The following SCN8A variants were observed in gnomAD, a reference collection of about 807,000 sequenced individuals.
SCN8A encodes sodium voltage-gated channel alpha subunit 8.
Under a neutral mutation model 184.1 loss-of-function variants are expected in SCN8A, and 30 were observed. The observed-to-expected ratio is 0.16, with a 90% CI of 0.12 to 0.22. SCN8A has a LOEUF of 0.22. SCN8A is among the 10% of genes least tolerant of loss of function. The pLI is 1.00. For missense variants in SCN8A, 1,057 were observed against 2,498.9 expected (o/e 0.42, Z 12.30); for synonymous variants, 852 against 907.0 (o/e 0.94, Z 1.09).
chr12:51,758,445 T>G (rs1399460935), intron 14 of SCN8A, among the ~76,000 whole-genome samples: 1 of 152,210 alleles, frequency 6.6e-6, no homozygotes, highest in Non-Finnish European at 1.5e-5. Flanking sequence ...TGTTTGTTTG[T>G]TTTGTTTTTT....
At chr12:51,737,062 G>A (rs1366310065) in intron 12 of SCN8A, among the ~76,000 whole-genome samples, 1 of 152,184 alleles carries the variant, frequency 6.6e-6, no homozygotes, top group Non-Finnish European at 1.5e-5. Flanking sequence ...AATGATTATC[G>A]AGAATACTCA....
chr12:51,677,749 A>G (rs1941248723), intron 2 of SCN8A, among the ~76,000 whole-genome samples: 1 of 152,212 alleles, frequency 6.6e-6, no homozygotes, highest in Admixed American at 6.5e-5. Flanking sequence ...TTAATACTCC[A>G]TGCCATAACT....
rs761259175 is a variant in SCN8A, at chr12:51,765,997, T to C, written c.2871T>C (p.Phe957=). The part of the protein sequence containing the change: ...VAGQAMCLIV[F]MMVMVIGNLV... Reference sequence around the variant, plus strand: ...GCCAGGCCATGTGCCTCATTGTCTTTATGATGGTCATGGTGATTGGCAACT... The same window carrying C: ...GCCAGGCCATGTGCCTCATTGTCTTCATGATGGTCATGGTGATTGGCAACT... Residue 957 remains phenylalanine, a synonymous_variant, in exon 16 of 27, where the codon TTT becomes TTC. Transcript: ENST00000627620. The C allele has an allele frequency of 2.5e-6, 4 of 1,614,140 alleles. No homozygotes were observed. In the South Asian group the frequency reaches 4.4e-5, roughly 18 times the overall value.
intron 7 of SCN8A, among the ~76,000 whole-genome samples, chr12:51,700,583 A>T (rs1941670613): frequency 6.6e-6 from 1 of 152,206 alleles, no homozygotes; most frequent in South Asian, 2.1e-4. Flanking sequence ...TGATGTAGTG[A>T]TACTTCTTTA....
chr12:51,807,048 G>T lies in SCN8A; in HGVS notation c.5562G>T (p.Arg1854=). Residue 1854 remains arginine (R), a synonymous_variant, in exon 27 of 27, where the codon CGG becomes CGT. Transcript: ENST00000627620. The surrounding 1 kb of genome is among the most constrained non-coding windows in gnomAD (Gnocchi z 4.5). The part of the protein sequence containing the change: ...CLDILFAFTK[R]VLGDSGELDI... Reference sequence around the variant, plus strand: ...ACATCCTTTTTGCCTTCACCAAGCGGGTCCTGGGAGATAGCGGGGAGTTGG... The same window carrying T: ...ACATCCTTTTTGCCTTCACCAAGCGTGTCCTGGGAGATAGCGGGGAGTTGG... The T allele has an allele frequency of 6.2e-7, 1 of 1,614,030 alleles. No individual in the cohort carries two copies. Among genetic ancestry groups the T allele is most frequent in the Non-Finnish European group, 8.5e-7 (1 of 1,179,892 alleles).
intron 1 of SCN8A, among the ~76,000 whole-genome samples, chr12:51,651,724 A>G (rs956925272): frequency 2.6e-5 from 4 of 152,208 alleles, no homozygotes; most frequent in East Asian, 1.9e-4. Context: ...CAGCCAAACC[A>G]TATCAGTGGA....
chr12:51,659,214 A>C (rs957214865), intron 1 of SCN8A, among the ~76,000 whole-genome samples: 1 of 152,218 alleles, frequency 6.6e-6, no homozygotes, highest in African/African-American at 2.4e-5. Flanking sequence ...AAGAAGCCAG[A>C]ACCCAAAGAG....
At chr12:51,667,974 G>A (rs745850579) in intron 2 of SCN8A, among the ~76,000 whole-genome samples, 20 of 151,988 alleles carry the variant, frequency 1.3e-4, no homozygotes, top group Non-Finnish European at 2.1e-4. Flanking sequence ...ACTTGAGGTC[G>A]GGAGTTTGAG....
At chr12:51,791,791 A>G (rs1431930174) in intron 25 of SCN8A, among the ~76,000 whole-genome samples, 3 of 152,134 alleles carry the variant, frequency 2.0e-5, no homozygotes, top group African/African-American at 7.2e-5. Flanking sequence ...AGGTAAGAGA[A>G]TTGCTTGAGC....
intron 11 of SCN8A, among the ~76,000 whole-genome samples, chr12:51,712,084 TTAAAAA>T (rs1169098687): frequency 6.6e-6 from 1 of 152,194 alleles, no homozygotes; most frequent in Non-Finnish European, 1.5e-5. Context: ...TATTGAAAAG[TTAAAAA>T]TTCCTTAATT....
At chr12:51,640,212 GTTTTTTTTTTTTTTTTTTTTTTT>G (rs57362371) in intron 1 of SCN8A, among the ~76,000 whole-genome samples, 433 of 34,774 alleles carry the variant, frequency 0.012, 15 homozygotes, top group Middle Eastern at 0.043. Flanking sequence ...TGCCTGGCCT[GTTTTTTTTTTTTTTTTTTTTTTT>G]TTTTTTTTTT....
intron 21 of SCN8A, among the ~76,000 whole-genome samples, chr12:51,782,576 T>C (rs1459309870): frequency 2.0e-5 from 3 of 152,198 alleles, no homozygotes; most frequent in African/African-American, 4.8e-5. Flanking sequence ...AAAAAGAGAT[T>C]GGTAATACCT....
intron 1 of SCN8A, among the ~76,000 whole-genome samples, chr12:51,610,435 G>T (rs764233720): frequency 3.9e-5 from 6 of 151,946 alleles, no homozygotes; most frequent in African/African-American, 7.3e-5. Context: ...GTGTACTTTG[G>T]TTTTTTTGTT....
chr12:51,652,242 C>G (rs1940731501), intron 1 of SCN8A, among the ~76,000 whole-genome samples: 1 of 152,092 alleles, frequency 6.6e-6, no homozygotes, highest in Non-Finnish European at 1.5e-5. Context: ...CTTGATTTTT[C>G]TTATATCTTA....
chr12:51,728,437 T>C (rs1942187878), intron 12 of SCN8A, among the ~76,000 whole-genome samples: 1 of 152,046 alleles, frequency 6.6e-6, no homozygotes, highest in Non-Finnish European at 1.5e-5. Flanking sequence ...TCTGTAACAA[T>C]AGTCCCCTAA....
intron 2 of SCN8A, among the ~76,000 whole-genome samples, chr12:51,669,495 T>C (rs1592368180): frequency 6.6e-6 from 1 of 152,196 alleles, no homozygotes; most frequent in South Asian, 2.1e-4. Context: ...CTTCTTCTGG[T>C]CTCCCTCTCT....
intron 1 of SCN8A, among the ~76,000 whole-genome samples, chr12:51,607,075 G>T (rs73295756): frequency 0.24 from 35,722 of 151,462 alleles, 5,725 homozygotes; most frequent in African/African-American, 0.44. Context: ...TTTTGTATTT[G>T]CAGTAGAGAT....
At chr12:51,660,059 CAG>C (rs1481656798) in intron 1 of SCN8A, among the ~76,000 whole-genome samples, 2 of 152,060 alleles carry the variant, frequency 1.3e-5, no homozygotes, top group Non-Finnish European at 2.9e-5. Context: ...AAGACTGTAA[CAG>C]AGAAATTTCA....
chr12:51,665,337 A>G (rs1941011680), intron 2 of SCN8A, among the ~76,000 whole-genome samples: 1 of 152,242 alleles, frequency 6.6e-6, no homozygotes, highest in South Asian at 2.1e-4. Flanking sequence ...CTGATTCTTC[A>G]TGGTAGAAAT....
Sources: gnomAD v4.1 joint callset for allele counts (sites outside exome capture counted in the v4.1 genomes callset) on GRCh38, gnomAD v4.1.1 for gene constraint, Gnocchi (gnomAD v3.1) non-coding constraint, MANE v1.5 for transcripts, NCBI Gene and HGNC (gene_info 2026-07-23, HGNC 2026-07-21) for gene names.